ASPH: variants seen among roughly 807,000 people sequenced by gnomAD.
ASPH encodes aspartyl/asparaginyl beta-hydroxylase.
Under a neutral mutation model 118.4 loss-of-function variants are expected in ASPH, and 100 were observed. The ratio of observed to expected loss-of-function variants is 0.84; its 90% CI spans 0.72 to 1.00. ASPH has a LOEUF of 1.00. Among genes scored for constraint, ASPH ranks in the 50% least tolerant of loss-of-function variants. The pLI is 0.00. For missense variants in ASPH, 920 were observed against 919.5 expected (o/e 1.00, Z -0.01); for synonymous variants, 315 against 325.6 (o/e 0.97, Z 0.35).
chr8:61,593,284 T>A (rs1841680020), intron 14 of ASPH, among the ~76,000 whole-genome samples: 1 of 152,144 alleles, frequency 6.6e-6, no homozygotes, highest in African/African-American at 2.4e-5. Context: ...AGGCTTTTTT[T>A]CTCTAACACG....
intron 15 of ASPH, 49 bp downstream of exon 15, chr8:61,583,895 C>T (rs371678496): frequency 2.4e-6 from 3 of 1,254,522 alleles, no homozygotes; most frequent in Non-Finnish European, 2.3e-6. Context: ...AAGAGTAATG[C>T]CTGAGTTTAT....
At chr8:61,688,635 G>A (rs1831512615) in intron 1 of ASPH, among the ~76,000 whole-genome samples, 1 of 152,072 alleles carries the variant, frequency 6.6e-6, no homozygotes, top group Admixed American at 6.6e-5. Context: ...CACATTTAAA[G>A]TTTTTTGAAA....
At chr8:61,645,344 C>A (rs921573933) in intron 6 of ASPH, among the ~76,000 whole-genome samples, 4 of 152,144 alleles carry the variant, frequency 2.6e-5, no homozygotes, top group Non-Finnish European at 5.9e-5. Flanking sequence ...TTAAGAATAT[C>A]AAATTCCTCA....
At chr8:61,536,726 C>A (rs1210880122) in intron 21 of ASPH, among the ~76,000 whole-genome samples, 1 of 152,118 alleles carries the variant, frequency 6.6e-6, no homozygotes, top group African/African-American at 2.4e-5. Context: ...GATTGTGTAG[C>A]TCCCTGGATT....
chr8:61,624,226 A>G, intron 13 of ASPH: 1 of 985,296 alleles, frequency 1.0e-6, no homozygotes, highest in Non-Finnish European at 1.2e-6. Context: ...CAAAAATTAA[A>G]AATTTGGGGA....
chr8:61,687,807 A>G (rs1563604098), intron 1 of ASPH: 2 of 152,218 alleles, frequency 1.3e-5, no homozygotes. Context: ...ATGTTTCTTA[A>G]CTAGAATATA....
chr8:61,700,595 A>G (rs1243373193), intron 1 of ASPH, among the ~76,000 whole-genome samples: 2 of 152,092 alleles, frequency 1.3e-5, no homozygotes, highest in Non-Finnish European at 1.5e-5. Context: ...ATGTGCTTCC[A>G]TATGTCGGGC....
chr8:61,690,439 A>G (rs1310103132), intron 1 of ASPH, among the ~76,000 whole-genome samples: 2 of 152,168 alleles, frequency 1.3e-5, no homozygotes, highest in Admixed American at 1.3e-4. Flanking sequence ...AGGAGTAAGA[A>G]TAATGACCTG....
At chr8:61,652,217 C>A (rs1014947299) in intron 4 of ASPH, among the ~76,000 whole-genome samples, 1 of 152,156 alleles carries the variant, frequency 6.6e-6, no homozygotes, top group Non-Finnish European at 1.5e-5. Flanking sequence ...AACTGGATTC[C>A]CAGGTTCATA....
intron 19 of ASPH, among the ~76,000 whole-genome samples, chr8:61,554,940 T>C (rs1827324233): frequency 6.6e-6 from 1 of 152,116 alleles, no homozygotes; most frequent in Admixed American, 6.5e-5. Flanking sequence ...TCTCAAACTC[T>C]TATCCTCAAG....
intron 16 of ASPH, among the ~76,000 whole-genome samples, chr8:61,575,753 GA>G: frequency 6.6e-6 from 1 of 152,144 alleles, no homozygotes; most frequent in South Asian, 2.1e-4. Context: ...CCCTGAGCTA[GA>G]CAATTCTGAG....
chr8:61,654,193 G>GTT (rs1393083854), intron 3 of ASPH, among the ~76,000 whole-genome samples: 146 of 152,210 alleles, frequency 9.6e-4, no homozygotes, highest in African/African-American at 3.4e-3. Context: ...TTCTATAACA[G>GTT]CTAAAACATA....
At chr8:61,562,636 A>G (rs1830399827) in intron 18 of ASPH, 108 bp downstream of exon 18, 5 of 1,131,466 alleles carry the variant, frequency 4.4e-6, no homozygotes, top group Non-Finnish European at 6.0e-6. Context: ...TAATACTTAC[A>G]TGCTTTTTAA....
At chr8:61,660,903 T>C (rs1816541392) in intron 3 of ASPH, 1 of 152,228 alleles carries the variant, frequency 6.6e-6, no homozygotes, top group South Asian at 2.1e-4. Context: ...CCATAAAATC[T>C]CATCTATGGA....
intron 10 of ASPH, 140 bp downstream of exon 10, chr8:61,642,748 G>C: frequency 1.5e-6 from 1 of 672,122 alleles, no homozygotes; most frequent in East Asian, 3.2e-5. Flanking sequence ...AGGAGGCTGA[G>C]GCAAGAGAAT....
At chr8:61,666,271 C>T (rs1819564382) in intron 3 of ASPH, among the ~76,000 whole-genome samples, 1 of 152,158 alleles carries the variant, frequency 6.6e-6, no homozygotes, top group African/African-American at 2.4e-5. Context: ...CTCAAGCTAA[C>T]ACACGTCTTC....
chr8:61,645,469 G>A (rs553724416), intron 6 of ASPH, among the ~76,000 whole-genome samples: 3 of 152,268 alleles, frequency 2.0e-5, no homozygotes, highest in East Asian at 3.9e-4. Flanking sequence ...AGACTGGAGA[G>A]AAGAAGCAAC....
intron 3 of ASPH, chr8:61,675,478 T>C: frequency 2.0e-6 from 2 of 983,374 alleles, no homozygotes; most frequent in Non-Finnish European, 2.4e-6. Context: ...CATGGAGTTA[T>C]TTTTAAATTA....
intron 16 of ASPH, among the ~76,000 whole-genome samples, chr8:61,568,599 G>A (rs1463248601): frequency 6.6e-6 from 1 of 152,192 alleles, no homozygotes; most frequent in Non-Finnish European, 1.5e-5. Flanking sequence ...AAGTTCAGGA[G>A]GGAGGTCAGA....
Sources: allele counts gnomAD v4.1 joint callset (sites outside exome capture counted in the v4.1 genomes callset), GRCh38; gene constraint gnomAD v4.1.1; transcripts MANE v1.5; gene names NCBI Gene and HGNC (gene_info 2026-07-23, HGNC 2026-07-21).